The following CTNS variants were observed in gnomAD, a reference collection of about 807,000 sequenced individuals.
CTNS encodes cystinosin.
CTNS carries 27 observed loss-of-function variants against 43.7 expected under a neutral mutation model. The ratio of observed to expected loss-of-function variants is 0.62; its 90% CI spans 0.46 to 0.85. The LOEUF (loss-of-function observed/expected upper bound fraction) is 0.85, where lower values mean the gene tolerates loss of function less well. Among genes scored for constraint, CTNS ranks in the 40% least tolerant of loss-of-function variants. The pLI is 0.00. For missense variants in CTNS, 457 were observed against 475.4 expected (o/e 0.96, Z 0.36); for synonymous variants, 187 against 190.6 (o/e 0.98, Z 0.16).
chr17:3,645,395 G>A (rs224502), intron 3 of CTNS, among the ~76,000 whole-genome samples: 77,075 of 151,942 alleles, frequency 0.51, 20,176 homozygotes, highest in Non-Finnish European at 0.57. Context: ...CATGTGCTGA[G>A]CATGGAGAAG....
chr17:3,649,886 A>C (rs975905907), intron 5 of CTNS, among the ~76,000 whole-genome samples: 7 of 152,196 alleles, frequency 4.6e-5, no homozygotes, highest in African/African-American at 1.7e-4. Flanking sequence ...ACTTCTGGAG[A>C]GCTATTGTAC....
intron 5 of CTNS, among the ~76,000 whole-genome samples, chr17:3,652,448 C>A (rs2076009886): frequency 6.6e-6 from 1 of 152,002 alleles, no homozygotes; most frequent in East Asian, 1.9e-4. Flanking sequence ...AAAAATTAGC[C>A]AAGCGTGGTG....
chr17:3,655,972 G>A, intron 7 of CTNS: 1 of 307,104 alleles, frequency 3.3e-6, no homozygotes, highest in South Asian at 3.0e-5. Context: ...CCTAAGGACA[G>A]TACCCTGCTT....
chr17:3,647,280 G>A (rs539732999), intron 3 of CTNS, among the ~76,000 whole-genome samples, 164 bp from the exon 4 acceptor site: 2 of 152,290 alleles, frequency 1.3e-5, no homozygotes, highest in Non-Finnish European at 2.9e-5. Context: ...CAGCAGGTGG[G>A]GAAGGAAGCT....
intron 3 of CTNS, among the ~76,000 whole-genome samples, chr17:3,642,023 G>A (rs751579242): frequency 3.1e-4 from 45 of 143,552 alleles, no homozygotes; most frequent in Non-Finnish European, 6.7e-4. Context: ...GTGTGCGCGC[G>A]CGTGTATTTG....
At chr17:3,640,677 C>G (rs2075663458) in intron 3 of CTNS, among the ~76,000 whole-genome samples, 2 of 152,208 alleles carry the variant, frequency 1.3e-5, no homozygotes, top group African/African-American at 4.8e-5. Flanking sequence ...GCAGGAAGAT[C>G]TCTTGAGGCC....
intron 5 of CTNS, chr17:3,650,226 C>G (rs1180058558): frequency 6.4e-7 from 1 of 1,550,408 alleles, no homozygotes; most frequent in African/African-American, 1.4e-5. Flanking sequence ...AGCCATGAGG[C>G]ACATCAAGAT....
Position 3,650,601 on chromosome 17 carries a change from T to A in CTNS, c.225+1670T>A, listed in dbSNP as rs1209459198. On this transcript the variant is annotated intron_variant, in intron 5 of 11. Coordinates refer to ENST00000046640, the MANE Select transcript of CTNS (RefSeq NM_004937.3). ...GGAGCTCTCCCCGCTGGTGAGCACC[T>A]TGTTAGTGCCATTTCCCACACCTCC... The A allele has an allele frequency of 1.1e-5, 3 of 278,796 alleles. No homozygotes were observed. The Admixed American group carries it at 1.4e-4, about 13-fold the overall frequency. The allele number at this position is 278,796 out of a possible 1,614,324, so 17.3% of individuals were successfully genotyped here. A position where few individuals can be genotyped will look rare whatever the true frequency, so the allele number is the denominator to read the frequency against.
At position 3,656,572 on chromosome 17, in the gene CTNS, GTGCCCTACATCAAGGTACGGCCTTGCC is replaced by G. The variant is rs113994211; in HGVS notation, c.559_561+24del. On this transcript the variant is annotated splice_donor_variant and splice_donor_5th_base_variant and coding_sequence_variant and intron_variant, in exon 8 of 12. Coordinates refer to ENST00000046640, the MANE Select transcript of CTNS (RefSeq NM_004937.3). LOFTEE classifies it high-confidence loss of function. ...TGTATTCAACATCGGCCTCCTCTGG[GTGCCCTACATCAAGGTACGGCCTTGCC>G]TGCCCTACATCTCTGCCCACATGGC... The G allele has an allele frequency of 5.6e-5, 90 of 1,610,954 alleles. No individual in the cohort carries two copies. The highest frequency in any genetic ancestry group is 7.5e-5 in the Non-Finnish European group (88 of 1,179,446).
intron 5 of CTNS, among the ~76,000 whole-genome samples, chr17:3,652,022 ATT>A (rs1019289891): frequency 6.6e-6 from 1 of 151,660 alleles, no homozygotes; most frequent in Non-Finnish European, 1.5e-5. Flanking sequence ...GAGTCAAACC[ATT>A]GGTGTGAGAT....
Position 3,659,989 on chromosome 17 carries a change from C to A in CTNS, c.970+14C>A, listed in dbSNP as rs756853653. ...CCTACAACAACGGTGAGTCAGCCAG[C>A]GGGCTGCTGGCCACCCTGCGGCTGG... On this transcript the variant is annotated intron_variant, in intron 11 of 11. Coordinates refer to ENST00000046640, the MANE Select transcript of CTNS (RefSeq NM_004937.3). 1 of 1,601,768 alleles carries A rather than the reference C, an allele frequency of 6.2e-7. No homozygotes were observed. Among genetic ancestry groups the A allele is most frequent in the South Asian group, 1.1e-5 (1 of 90,834 alleles).
chr17:3,654,987 C>A lies in CTNS; in HGVS notation c.226-11C>A. ...ACGTGGCATCGGATTGAACCTCAGT[C>A]TTCCTAACAGGTTGTGGTGCCTCCT... On this transcript the variant is annotated splice_polypyrimidine_tract_variant and intron_variant, in intron 5 of 11. Transcript: ENST00000046640. The A allele has an allele frequency of 6.2e-7, 1 of 1,601,332 alleles. No individual in the cohort carries two copies.
rs1194841651 is a variant in CTNS at position 3,662,469 on chromosome 17, G to A, written c.*2100G>A. ...CAGATCACGGCCCCCAGCAACACGT[G>A]GGGTTGTGTCCCTCGCTGGGATACA... On this transcript the variant is annotated 3_prime_UTR_variant, in exon 12 of 12. Transcript: ENST00000046640. Among the ~76,000 whole-genome samples, 11 of 152,162 alleles carry A rather than the reference G, an allele frequency of 7.2e-5. No homozygotes were observed. The highest frequency in any genetic ancestry group is 7.2e-4 in the Admixed American group (11 of 15,282).
rs1369228288 is a variant in CTNS at position 3,648,929 on chromosome 17, G to A, written c.223G>A (p.Glu75Lys). 1 of 1,608,062 alleles carries A rather than the reference G, an allele frequency of 6.2e-7. No individual in the cohort carries two copies. Among genetic ancestry groups the A allele is most frequent in the Admixed American group, 1.7e-5 (1 of 60,014 alleles). ...TATTACTATCCTTGAGCTCCCCGAT[G>A]AAGTAAGTAACCAATCTTAACGGAT... ...KNITILELPDEVVVPPGVTNS... is the reference protein window; with the variant it reads ...KNITILELPDKVVVPPGVTNS... Residue 75 changes from glutamate (E) to lysine (K), a missense_variant and splice_region_variant, in exon 5 of 12, where the codon GAA becomes AAA. Coordinates refer to ENST00000046640, the MANE Select transcript of CTNS (RefSeq NM_004937.3).
chr17:3,650,309 A>T (rs1567704375), intron 5 of CTNS: 1 of 1,549,398 alleles, frequency 6.5e-7, no homozygotes, highest in East Asian at 2.4e-5. Context: ...AGCATGTGGG[A>T]ACCTGTGATC....
chr17:3,637,666 C>T (rs1482786357), intron 2 of CTNS, among the ~76,000 whole-genome samples: 5 of 152,102 alleles, frequency 3.3e-5, no homozygotes, highest in African/African-American at 1.2e-4. Context: ...GGGGATTCAC[C>T]ATGTTGGCCA....
chr17:3,660,347 C>G lies in CTNS; in HGVS notation c.1082C>G (p.Pro361Arg), dbSNP rs560868487. Reference sequence around the variant, plus strand: ...CACTTCTGTTTGTACAGAAAGAGACCGGGGTATGACCAGCTGAACTAGCAC... The same window carrying G: ...CACTTCTGTTTGTACAGAAAGAGACGGGGGTATGACCAGCTGAACTAGCAC... ...IQHFCLYRKRPGYDQLN is the reference protein window; with the variant it reads ...IQHFCLYRKRRGYDQLN Residue 361 changes from proline to arginine, a missense_variant, in exon 12 of 12, where the codon CCG (proline) becomes CGG (arginine). Physicochemically the swap from Pro to Arg is moderately radical, Grantham distance 103. Coordinates refer to ENST00000046640, the MANE Select transcript of CTNS (RefSeq NM_004937.3). The G allele has an allele frequency of 6.2e-7, 1 of 1,614,068 alleles. No individual in the cohort carries two copies. Among genetic ancestry groups the G allele is most frequent in the Non-Finnish European group, 8.5e-7 (1 of 1,180,052 alleles).
At chr17:3,645,976 GGGGGGTCTGAGTGAC>G (rs1239609921) in intron 3 of CTNS, among the ~76,000 whole-genome samples, 1 of 47,324 alleles carries the variant, frequency 2.1e-5, no homozygotes, top group Non-Finnish European at 5.7e-5. Context: ...AACTGGGCCT[GGGGGGTCTGAGTGAC>G]GGGGTCTGGG....
At chr17:3,649,261 C>T (rs1237836565) in intron 5 of CTNS, among the ~76,000 whole-genome samples, 1 of 152,104 alleles carries the variant, frequency 6.6e-6, no homozygotes. Context: ...CCAGCCTGAT[C>T]AACATGGTGA....
Sources: allele counts gnomAD v4.1 joint callset (sites outside exome capture counted in the v4.1 genomes callset), GRCh38; gene constraint gnomAD v4.1.1; transcripts MANE v1.5; gene names NCBI Gene and HGNC (gene_info 2026-07-23, HGNC 2026-07-21).